Variants in GLIS3 observed in about 807,000 individuals in gnomAD.
GLIS3 encodes the protein GLIS family zinc finger 3, also known as zinc finger protein GLIS3.
GLIS3 carries 53 observed loss-of-function variants against 78.6 expected under a neutral mutation model. The observed-to-expected ratio is 0.67, with a 90% confidence interval of 0.54 to 0.85. The LOEUF (loss-of-function observed/expected upper bound fraction) is 0.85, where lower values mean the gene tolerates loss of function less well. Among genes scored for constraint, GLIS3 ranks in the 40% least tolerant of loss-of-function variants. GLIS3 has a pLI of 0.00. For missense variants in GLIS3, 1,703 were observed against 1,231.1 expected (o/e 1.38, Z -5.74); for synonymous variants, 684 against 509.9 (o/e 1.34, Z -4.60).
chr9:4,089,037 T>C (rs1289947233), intron 4 of GLIS3, among the ~76,000 whole-genome samples: 1 of 152,250 alleles, frequency 6.6e-6, no homozygotes, highest in African/African-American at 2.4e-5. Context: ...GTAGAAAGAC[T>C]TTCCCCAGCA....
chr9:3,934,575 G>A (rs472544), intron 5 of GLIS3, among the ~76,000 whole-genome samples: 117,559 of 152,076 alleles, frequency 0.77, 45,565 homozygotes, highest in East Asian at 0.92. Flanking sequence ...ACACCCAGCT[G>A]ATTTTGTATT....
At chr9:4,047,231 G>C (rs770446178) in intron 4 of GLIS3, among the ~76,000 whole-genome samples, 32 of 152,110 alleles carry the variant, frequency 2.1e-4, no homozygotes, top group Non-Finnish European at 4.1e-4. Flanking sequence ...CACCAGCTAA[G>C]ACGTGACTAC....
intron 2 of GLIS3, among the ~76,000 whole-genome samples, chr9:4,243,322 A>C (rs1410454720): frequency 6.6e-6 from 1 of 152,154 alleles, no homozygotes; most frequent in Non-Finnish European, 1.5e-5. Context: ...GTATCAAAAA[A>C]TCAACTTTCC....
chr9:4,279,041 C>T (rs1395993604), intron 2 of GLIS3, among the ~76,000 whole-genome samples: 1 of 152,060 alleles, frequency 6.6e-6, no homozygotes, highest in Non-Finnish European at 1.5e-5. Flanking sequence ...GTGGCTCATG[C>T]CTGTAATCCC....
intron 4 of GLIS3, among the ~76,000 whole-genome samples, chr9:4,307,299 C>A (rs934567328): frequency 8.5e-5 from 13 of 152,106 alleles, no homozygotes; most frequent in Admixed American, 6.5e-5. Context: ...ATGTGATAAA[C>A]ATAATTTATG....
At chr9:4,355,578 G>T in the GLIS3 span, among the ~76,000 whole-genome samples, 1 of 152,180 alleles carries the variant, frequency 6.6e-6, no homozygotes, top group East Asian at 1.9e-4. Flanking sequence ...CTGTAAGAAG[G>T]ATCTCAGAAA....
At chr9:4,333,827 T>A (rs1817717572) in intron 2 of GLIS3, among the ~76,000 whole-genome samples, 1 of 143,496 alleles carries the variant, frequency 7.0e-6, no homozygotes, top group South Asian at 2.2e-4. Flanking sequence ...AGAGAAATTA[T>A]ATTATCATAA....
intron 7 of GLIS3, among the ~76,000 whole-genome samples, chr9:3,896,290 C>T (rs984870442): frequency 6.6e-6 from 1 of 152,124 alleles, no homozygotes; most frequent in East Asian, 1.9e-4. Flanking sequence ...GTTGCCTACT[C>T]TGCAAAACAA....
chr9:4,037,069 C>T (rs1030967038), intron 4 of GLIS3, among the ~76,000 whole-genome samples: 10 of 152,240 alleles, frequency 6.6e-5, no homozygotes, highest in African/African-American at 2.4e-4. Flanking sequence ...AAAAATCACC[C>T]CACTCTCTGA....
chr9:4,047,634 T>G (rs1825361758), intron 4 of GLIS3, among the ~76,000 whole-genome samples: 1 of 152,166 alleles, frequency 6.6e-6, no homozygotes, highest in Admixed American at 6.5e-5. Flanking sequence ...ACATGGTTCC[T>G]GACCTGAAGA....
intron 2 of GLIS3, among the ~76,000 whole-genome samples, chr9:4,339,651 A>T (rs1043239563): frequency 6.7e-6 from 1 of 148,886 alleles, no homozygotes; most frequent in Admixed American, 6.8e-5. Context: ...TTCATTGAGC[A>T]AAGTTTCCCA....
chr9:4,215,546 G>A (rs192218998), intron 2 of GLIS3, among the ~76,000 whole-genome samples: 15 of 152,198 alleles, frequency 9.9e-5, no homozygotes, highest in Admixed American at 9.8e-4. Flanking sequence ...CCAATGCTCT[G>A]CTTTCATTTT....
At chr9:4,410,444 A>G in the GLIS3 span, among the ~76,000 whole-genome samples, 1 of 152,340 alleles carries the variant, frequency 6.6e-6, no homozygotes, top group South Asian at 2.1e-4. Context: ...AAAGTAAAAT[A>G]TTAGGATTTT....
the GLIS3 span, among the ~76,000 whole-genome samples, chr9:4,437,416 G>A: frequency 3.7e-5 from 4 of 107,048 alleles, no homozygotes; most frequent in African/African-American, 6.2e-5. Context: ...ATGTATGTAT[G>A]TATGTATCTA....
Position 4,328,181 on chromosome 9 carries a change from C to T in GLIS3, n.265-17653G>A, listed in dbSNP as rs115157968. Among the ~76,000 whole-genome samples, 383 of 152,240 alleles carry T rather than the reference C, an allele frequency of 2.5e-3. 3 individuals are homozygous for T. The highest frequency in any genetic ancestry group is 8.9e-3 in the African/African-American group (368 of 41,518). On this transcript the variant is annotated intron_variant and non_coding_transcript_variant, in intron 2 of 4. Transcript: ENST00000471664. ...AAGTCATGTCCTGTTAGAATCTGCC[C>T]CAAGACCCGAGACTGACTAACCCTT...
chr9:4,339,301 A>G (rs75363562), intron 2 of GLIS3, among the ~76,000 whole-genome samples: 1 of 152,206 alleles, frequency 6.6e-6, no homozygotes. Context: ...GGAGGGTGCC[A>G]GTTATTTGGA....
At chr9:4,181,833 C>G (rs546356675) in intron 2 of GLIS3, among the ~76,000 whole-genome samples, 1 of 152,296 alleles carries the variant, frequency 6.6e-6, no homozygotes, top group South Asian at 2.1e-4. Context: ...CACACAGAGA[C>G]AGACCCCGTT....
At chr9:3,840,292 T>C (rs1415930883) in intron 9 of GLIS3, among the ~76,000 whole-genome samples, 2 of 152,214 alleles carry the variant, frequency 1.3e-5, no homozygotes, top group Admixed American at 6.5e-5. Context: ...ATCATACTGC[T>C]CTTAAAAGTG....
chr9:4,402,563 G>T, the GLIS3 span, among the ~76,000 whole-genome samples: 6 of 152,110 alleles, frequency 3.9e-5, no homozygotes, highest in African/African-American at 1.4e-4. Flanking sequence ...GAAACTTGAA[G>T]AAATTTAACA....
Sources: allele counts gnomAD v4.1 joint callset (sites outside exome capture counted in the v4.1 genomes callset), GRCh38; gene constraint gnomAD v4.1.1; transcripts MANE v1.5; gene names NCBI Gene and HGNC (gene_info 2026-07-23, HGNC 2026-07-21).